Variants in COL24A1 observed in about 807,000 individuals in gnomAD.
COL24A1 encodes collagen alpha-1(XXIV) chain.
In COL24A1, 224 loss-of-function variants were observed where a neutral mutation model predicts 253.9. The ratio of observed to expected loss-of-function variants is 0.88; its 90% CI spans 0.79 to 0.99. The LOEUF (loss-of-function observed/expected upper bound fraction) is 0.99, where lower values mean the gene tolerates loss of function less well. Among genes scored for constraint, COL24A1 ranks in the 50% least tolerant of loss-of-function variants. The pLI is 0.00. For missense variants in COL24A1, 2,131 were observed against 2,068.5 expected, an observed-to-expected ratio of 1.03 and a Z score of -0.59; for synonymous variants, 685 against 673.7, an observed-to-expected ratio of 1.02 and a Z score of -0.26.
chr1:85,895,687 ATAAAGG>A (rs1683605195), intron 31 of COL24A1, among the ~76,000 whole-genome samples, 165 bp downstream of exon 31: 1 of 152,176 alleles, frequency 6.6e-6, no homozygotes, highest in Non-Finnish European at 1.5e-5. Context: ...AATAAAGCAG[ATAAAGG>A]TAATCAGCTC....
chr1:85,786,418 G>A lies in COL24A1; in HGVS notation c.3995C>T (p.Pro1332Leu), dbSNP rs563054235. The A allele has an allele frequency of 6.2e-7, 1 of 1,613,652 alleles. No individual in the cohort carries two copies. The highest frequency in any genetic ancestry group is 1.3e-5 in the African/African-American group (1 of 74,984). ...TGAACCCTTTACTCCTGGAGGACCT[G>A]GAGCCCCAGCAAGACCTGTTCTTCC... ...GPGRTGLAGA[P>L]GPPGVKGSSG... The change falls in exon 48 of 60, where the codon CCA becomes CTA. Residue 1332 changes from proline to leucine, a missense_variant. Physicochemically the swap from Pro to Leu is moderately conservative, Grantham distance 98 (BLOSUM62 -3). Coordinates refer to ENST00000370571, the MANE Select transcript of COL24A1 (RefSeq NM_152890.7).
intron 5 of COL24A1, among the ~76,000 whole-genome samples, chr1:86,112,147 G>GT (rs561649542): frequency 1.3e-5 from 2 of 151,288 alleles, no homozygotes; most frequent in Admixed American, 6.6e-5. Context: ...AACATCCTCG[G>GT]TTTTTTTTCA....
At chr1:86,008,265 T>A (rs1453418960) in intron 19 of COL24A1, among the ~76,000 whole-genome samples, 1 of 152,166 alleles carries the variant, frequency 6.6e-6, no homozygotes, top group Non-Finnish European at 1.5e-5. Flanking sequence ...TTTCTTTTTT[T>A]TCAGGGTCTT....
At chr1:86,153,156 T>G (rs536835422) in intron 1 of COL24A1, among the ~76,000 whole-genome samples, 6 of 152,322 alleles carry the variant, frequency 3.9e-5, no homozygotes, top group Admixed American at 1.3e-4. Flanking sequence ...AAGGTCTCAG[T>G]CTAGATTTCA....
At chr1:85,832,561 T>G (rs900348414) in intron 43 of COL24A1, among the ~76,000 whole-genome samples, 3 of 150,958 alleles carry the variant, frequency 2.0e-5, no homozygotes, top group African/African-American at 7.3e-5. Context: ...CCCATGAGCA[T>G]GGAATGTTCT....
At chr1:85,874,303 G>T (rs562178576) in intron 35 of COL24A1, among the ~76,000 whole-genome samples, 1 of 152,134 alleles carries the variant, frequency 6.6e-6, no homozygotes, top group East Asian at 1.9e-4. Flanking sequence ...TTTCAATCTT[G>T]TTAGGTCAGG....
chr1:86,008,290 G>A (rs2101116710), intron 19 of COL24A1, among the ~76,000 whole-genome samples: 1 of 151,988 alleles, frequency 6.6e-6, no homozygotes, highest in Non-Finnish European at 1.5e-5. Context: ...TGTGGCCCAG[G>A]CTGGAGTGCA....
chr1:85,852,678 AC>A (rs36077068), intron 37 of COL24A1, among the ~76,000 whole-genome samples: 32,525 of 152,078 alleles, frequency 0.21, 3,812 homozygotes, highest in Non-Finnish European at 0.24. Flanking sequence ...AAAATTTTCC[AC>A]ACCATTTTTA....
intron 47 of COL24A1, among the ~76,000 whole-genome samples, chr1:85,790,048 G>A (rs1046958465): frequency 1.3e-5 from 2 of 152,176 alleles, no homozygotes; most frequent in South Asian, 2.1e-4. Context: ...TTGGTATCAG[G>A]ATGATGCTGG....
At position 85,825,604 on chromosome 1, in the gene COL24A1, A is replaced by C. The variant is rs57144859; in HGVS notation, c.3682-1866T>G. 9.7e-3 allele frequency among the ~76,000 whole-genome samples: 1,456 copies of C among 150,626 alleles called. 26 individuals are homozygous for C. The highest frequency in any genetic ancestry group is 0.034 in the African/African-American group (1,379 of 40,810). On this transcript the variant is annotated intron_variant, in intron 43 of 59. Transcript: ENST00000370571. ...GCACCTGTTGTTTCCTGACTTTTTA[A>C]TGATTGCCATTCTAACTGGTGTGAG...
chr1:85,765,600 G>C (rs1667287525), intron 53 of COL24A1, among the ~76,000 whole-genome samples: 1 of 150,940 alleles, frequency 6.6e-6, no homozygotes, highest in African/African-American at 2.4e-5. Flanking sequence ...AATTAGCCAA[G>C]TGCAATGACA....
At chr1:85,947,663 A>C (rs1391571283) in intron 24 of COL24A1, among the ~76,000 whole-genome samples, 1 of 152,222 alleles carries the variant, frequency 6.6e-6, no homozygotes, top group African/African-American at 2.4e-5. Context: ...AATCAGTGTA[A>C]CTGATTGAAC....
rs1671148874 is a variant in COL24A1, at chr1:85,799,216, AAAG to A, written c.3952-12758_3952-12756del. The stretch of plus-strand genomic sequence containing the variant: ...CTTTAATTCCTTGGCCACATAAAAG[AAAG>A]AAAGAAAGAAAGAAAGAAAGAAAGA... On this transcript the variant is annotated intron_variant, in intron 47 of 59. Transcript: ENST00000370571. Among the ~76,000 whole-genome samples, 399 of 59,712 alleles carry A rather than the reference AAAG, an allele frequency of 6.7e-3. 6 individuals carry two copies. The highest frequency in any genetic ancestry group is 0.015 in the African/African-American group (332 of 22,420). 39.2% of individuals were successfully genotyped at this position (59,712 alleles called of 152,430 possible). A position where few individuals can be genotyped will look rare whatever the true frequency, so the allele number is the denominator to read the frequency against.
chr1:85,813,843 G>T (rs577760628), intron 47 of COL24A1, among the ~76,000 whole-genome samples: 1 of 152,018 alleles, frequency 6.6e-6, no homozygotes, highest in African/African-American at 2.4e-5. Context: ...GAGCCACCGC[G>T]CCCGGCCTCA....
At chr1:85,777,308 C>T (rs1668645302) in intron 52 of COL24A1, among the ~76,000 whole-genome samples, 1 of 152,082 alleles carries the variant, frequency 6.6e-6, no homozygotes, top group Non-Finnish European at 1.5e-5. Context: ...TTTCCACACC[C>T]TACCCAGTAT....
intron 20 of COL24A1, among the ~76,000 whole-genome samples, chr1:85,980,631 G>A (rs564504329): frequency 3.2e-4 from 49 of 152,238 alleles, no homozygotes; most frequent in Middle Eastern, 3.4e-3. Flanking sequence ...TAACCAAGGC[G>A]GGTGCGGTGG....
chr1:85,838,547 A>G, intron 43 of COL24A1, 38 bp downstream of exon 43: 1 of 1,558,418 alleles, frequency 6.4e-7, no homozygotes, highest in Non-Finnish European at 8.8e-7. Flanking sequence ...AGAGAACCCT[A>G]TTTAAATTCA....
At position 85,823,685 on chromosome 1, in the gene COL24A1, T is replaced by G; in HGVS notation, c.3735A>C (p.Pro1245=). The change falls in exon 44 of 60, where the codon CCA becomes CCC. Residue 1245 remains proline (P), a splice_region_variant and synonymous_variant. Coordinates refer to ENST00000370571, the MANE Select transcript of COL24A1 (RefSeq NM_152890.7). The part of the protein sequence containing the change: ...LRGATGQQGP[P]GEPGDQGEQG... The stretch of plus-strand genomic sequence containing the variant: ...TAGAAATAATGCTTTCAAAACATAC[T>G]GGGGGTCCTTGTTGTCCAGTGGCAC... 1 of 1,613,874 alleles carries G rather than the reference T, an allele frequency of 6.2e-7. No homozygotes were observed. Among genetic ancestry groups the G allele is most frequent in the Non-Finnish European group, 8.5e-7 (1 of 1,179,820 alleles).
At position 85,921,103 on chromosome 1, in the gene COL24A1, T is replaced by C. The variant is rs188996123; in HGVS notation, c.2563-9670A>G. Among the ~76,000 whole-genome samples, 1,200 of 152,206 alleles carry C rather than the reference T, an allele frequency of 7.9e-3. 6 individuals are homozygous for C. The highest frequency in any genetic ancestry group is 0.012 in the Non-Finnish European group (830 of 68,010). On this transcript the variant is annotated intron_variant, in intron 24 of 59. Transcript: ENST00000370571. ...CTGGTTGGACAGTGGGTGCAGCCCA[T>C]GGAGGGTGAACCAAATCAGGGTGGG...
Sources: gnomAD v4.1 joint callset for allele counts (sites outside exome capture counted in the v4.1 genomes callset) on GRCh38, gnomAD v4.1.1 for gene constraint, MANE v1.5 for transcripts, NCBI Gene and HGNC (gene_info 2026-07-23, HGNC 2026-07-21) for gene names.